SLC12A2: variants seen among roughly 807,000 people sequenced by gnomAD.
SLC12A2 encodes the protein Na-K-2Cl cotransporter 1.
Under a neutral mutation model 136.3 loss-of-function variants are expected in SLC12A2, and 67 were observed. The ratio of observed to expected loss-of-function variants is 0.49; its 90% CI spans 0.40 to 0.60. The LOEUF (loss-of-function observed/expected upper bound fraction) is 0.60. Among genes scored for constraint, SLC12A2 ranks in the 20% least tolerant of loss-of-function variants. The pLI is 0.00. For synonymous variants in SLC12A2, 619 were observed against 562.9 expected (o/e 1.10, Z -1.41); for missense variants, 1,322 against 1,534.7 (o/e 0.86, Z 2.32).
chr5:128,184,394 C>G lies in SLC12A2; in HGVS notation c.3328C>G (p.Pro1110Ala). Residue 1110 changes from proline to alanine, a missense_variant, in exon 25 of 27, where the codon CCA becomes GCA. By Grantham distance (27) the Pro-to-Ala change is conservative. This residue lies in a region of SLC12A2 where 172 missense variants were observed against 227.4 expected (regional missense o/e 0.76). Coordinates refer to ENST00000262461, the MANE Select transcript of SLC12A2 (RefSeq NM_001046.3). ...NIIAFEEIIE[P>A]YRLHEDDKEQ... Reference sequence around the variant, plus strand: ...TATAGCTTTTGAGGAAATCATTGAGCCATACAGACTTCATGAAGATGATAA... The same window carrying G: ...TATAGCTTTTGAGGAAATCATTGAGGCATACAGACTTCATGAAGATGATAA... 3 of 1,574,208 alleles carry G rather than the reference C, an allele frequency of 1.9e-6. No homozygotes were observed. Among genetic ancestry groups the G allele is most frequent in the Non-Finnish European group, 2.6e-6 (3 of 1,157,934 alleles).
At chr5:128,133,061 G>A (rs954189257) in intron 5 of SLC12A2, among the ~76,000 whole-genome samples, 1 of 151,378 alleles carries the variant, frequency 6.6e-6, no homozygotes. Context: ...ATTTACACTA[G>A]TACCGTTTTT....
chr5:128,163,089 T>C (rs532936510), intron 17 of SLC12A2, among the ~76,000 whole-genome samples: 27 of 152,290 alleles, frequency 1.8e-4, no homozygotes, highest in African/African-American at 6.3e-4. Flanking sequence ...TTTGAACTGC[T>C]GTGGTAATGT....
intron 24 of SLC12A2, among the ~76,000 whole-genome samples, chr5:128,183,576 T>C (rs1763776144): frequency 6.6e-6 from 1 of 151,974 alleles, no homozygotes; most frequent in Admixed American, 6.6e-5. Context: ...AAAAATATTT[T>C]TCATGTTCAT....
chr5:128,114,818 A>C (rs1761288120), intron 4 of SLC12A2, 137 bp downstream of exon 4: 2 of 586,216 alleles, frequency 3.4e-6, no homozygotes, highest in South Asian at 4.5e-5. Flanking sequence ...GCTACCGAGC[A>C]CTTCCAGACT....
At chr5:128,094,047 A>C (rs929216423) in intron 1 of SLC12A2, among the ~76,000 whole-genome samples, 1 of 151,912 alleles carries the variant, frequency 6.6e-6, no homozygotes, top group African/African-American at 2.4e-5. Context: ...ATTTCACCTC[A>C]GTCCTTATTT....
intron 14 of SLC12A2, among the ~76,000 whole-genome samples, chr5:128,152,070 A>G (rs1762720497): frequency 6.6e-6 from 1 of 152,182 alleles, no homozygotes; most frequent in Non-Finnish European, 1.5e-5. Context: ...ATCTGGGCTC[A>G]ATAGAATAGA....
chr5:128,144,672 C>G (rs1762472064), intron 10 of SLC12A2, among the ~76,000 whole-genome samples: 1 of 152,106 alleles, frequency 6.6e-6, no homozygotes, highest in Non-Finnish European at 1.5e-5. Context: ...CGAGTGGACT[C>G]CAGGCACTGA....
chr5:128,122,015 A>C (rs1238232405), intron 4 of SLC12A2, among the ~76,000 whole-genome samples: 1 of 152,210 alleles, frequency 6.6e-6, no homozygotes, highest in African/African-American at 2.4e-5. Context: ...ATAGAGGACA[A>C]CTGCAGGCAG....
rs761654016 is a variant in SLC12A2, at chr5:128,148,838, A to T, written c.1966A>T (p.Ile656Phe). 5.6e-6 allele frequency: 9 copies of T among 1,605,152 alleles called. No individual in the cohort carries two copies. The South Asian group carries it at 1.0e-4, about 18-fold the overall frequency. The change falls in exon 12 of 27, where the codon ATC (isoleucine) becomes TTC (phenylalanine). Residue 656 changes from isoleucine (I) to phenylalanine (F), a missense_variant. Coordinates refer to ENST00000262461, the MANE Select transcript of SLC12A2 (RefSeq NM_001046.3). ...AAATAATGAACCTCTTCGTGGCTAC[A>T]TCTTAACATTCTTAATTGCACTTGG... is the stretch of plus-strand genomic sequence containing the variant. ...GKNNEPLRGYILTFLIALGFI... is the reference protein window; with the variant it reads ...GKNNEPLRGYFLTFLIALGFI...
At chr5:128,131,429 C>T (rs1467288544) in intron 5 of SLC12A2, among the ~76,000 whole-genome samples, 5 of 150,244 alleles carry the variant, frequency 3.3e-5, no homozygotes, top group East Asian at 4.0e-4. Flanking sequence ...TATGGGAGGC[C>T]GAGGCGAGCG....
intron 15 of SLC12A2, among the ~76,000 whole-genome samples, chr5:128,154,580 T>C (rs1762815225): frequency 6.6e-6 from 1 of 152,172 alleles, no homozygotes; most frequent in Admixed American, 6.5e-5. Context: ...AACCATGTTA[T>C]TTACTTCATA....
chr5:128,180,889 CCT>C lies in SLC12A2; in HGVS notation c.3108_3109del (p.Leu1037IlefsTer16). ...TTACATTTTTATAATTCAGGTTTGA[CCT>C]TATTGATACCTTACCTTCTGACGAC... On this transcript the variant is annotated frameshift_variant, in exon 23 of 27. Transcript: ENST00000262461. LOFTEE classifies it high-confidence loss of function. 6.4e-7 allele frequency: 1 copy of C among 1,569,400 alleles called. No individual in the cohort carries two copies.
At chr5:128,138,027 G>C (rs980022354) in intron 7 of SLC12A2, among the ~76,000 whole-genome samples, 3 of 150,852 alleles carry the variant, frequency 2.0e-5, no homozygotes, top group African/African-American at 7.3e-5. Context: ...AGTGTCGACT[G>C]TCCAGGCTTA....
At position 128,084,819 on chromosome 5, in the gene SLC12A2, C is replaced by T. The variant is rs1265690028; in HGVS notation, c.756+109C>T. 7 of 1,213,532 alleles carry T rather than the reference C, an allele frequency of 5.8e-6. No homozygotes were observed. The highest frequency in any genetic ancestry group is 7.8e-6 in the Non-Finnish European group (7 of 893,994). 75.2% of individuals were successfully genotyped at this position (1,213,532 alleles called of 1,614,324 possible). ...AGGTGGCGGGAGTAGTAGACGTGCA[C>T]GACTTGCTGGCATCTCTGGATTCAG... On this transcript the variant is annotated intron_variant, in intron 1 of 26. Coordinates refer to ENST00000262461, the MANE Select transcript of SLC12A2 (RefSeq NM_001046.3). The surrounding 1 kb of genome is among the most constrained non-coding windows in gnomAD (Gnocchi z 5.6).
At chr5:128,128,768 T>TA (rs953805576) in intron 4 of SLC12A2, among the ~76,000 whole-genome samples, 1 of 146,642 alleles carries the variant, frequency 6.8e-6, no homozygotes, top group African/African-American at 2.5e-5. Context: ...TGCTGATTAG[T>TA]AAAAAAATAA....
rs1042319096 is a variant in SLC12A2, at chr5:128,114,307, G to T, written c.952+20G>T. ...GAATAGGTAAGTGAAGTTATATCCT[G>T]CTTGATTTGAGAATAAGCAAAATAA... On this transcript the variant is annotated intron_variant, in intron 3 of 26. Transcript: ENST00000262461. 11 of 1,584,568 alleles carry T rather than the reference G, an allele frequency of 6.9e-6. No homozygotes were observed. Among genetic ancestry groups the T allele is most frequent in the Non-Finnish European group, 9.5e-6 (11 of 1,155,320 alleles).
In SLC12A2 at chr5:128,174,566, A is replaced by C; in HGVS notation, c.2829A>C (p.Lys943Asn). 1.2e-6 allele frequency: 2 copies of C among 1,607,950 alleles called. No individual in the cohort carries two copies. The highest frequency in any genetic ancestry group is 2.2e-5 in the South Asian group (2 of 90,028). ...GQEELLSSQE[K>N]SPGTKDVVVS... ...AAGAATTATTGTCATCACAAGAGAA[A>C]TCTCCTGGCACCAAGGATGTGGTAG... is the stretch of plus-strand genomic sequence containing the variant. Residue 943 changes from lysine to asparagine, a missense_variant, in exon 20 of 27, where the codon AAA becomes AAC. Transcript: ENST00000262461.
chr5:128,152,967 TA>T (rs1029954078), intron 15 of SLC12A2, among the ~76,000 whole-genome samples, 162 bp downstream of exon 15: 41 of 152,342 alleles, frequency 2.7e-4, no homozygotes, highest in African/African-American at 8.7e-4. Flanking sequence ...ATATCTACCT[TA>T]AAAAATGTTA....
intron 1 of SLC12A2, among the ~76,000 whole-genome samples, chr5:128,112,565 T>A (rs1761192094): frequency 6.6e-6 from 1 of 152,148 alleles, no homozygotes; most frequent in African/African-American, 2.4e-5. Flanking sequence ...GTAGCTAGAA[T>A]TTGGAATTAT....
Sources: gnomAD v4.1 joint callset for allele counts (sites outside exome capture counted in the v4.1 genomes callset) on GRCh38, gnomAD v4.1.1 for gene constraint, gnomAD v4.1.1 regional missense constraint, Gnocchi (gnomAD v3.1) non-coding constraint, MANE v1.5 for transcripts, NCBI Gene and HGNC (gene_info 2026-07-23, HGNC 2026-07-21) for gene names.